The following PUSL1 variants were observed in gnomAD, a reference collection of about 807,000 sequenced individuals.
PUSL1 encodes the protein pseudouridine synthase like 1.
PUSL1 carries 51 observed loss-of-function variants against 30.7 expected under a neutral mutation model. The observed-to-expected ratio is 1.66, with a 90% CI of 1.33 to 2.10. The LOEUF (loss-of-function observed/expected upper bound fraction) is 2.10, where lower values mean the gene tolerates loss of function less well. Ranked by LOEUF, PUSL1 falls within the 30% of genes most tolerant of loss-of-function variation. The probability of loss-of-function intolerance (pLI) is 0.00; values close to 1 mark genes in which losing one functional copy is unlikely to be tolerated. For missense variants in PUSL1, 609 were observed against 427.6 expected, an observed-to-expected ratio of 1.42 and a Z score of -3.74; for synonymous variants, 290 against 192.1, an observed-to-expected ratio of 1.51 and a Z score of -4.21.
intron 6 of PUSL1, 55 bp from the exon 7 acceptor site, chr1:1,310,854 G>A (rs976869002): frequency 6.2e-6 from 10 of 1,600,812 alleles, no homozygotes; most frequent in East Asian, 2.2e-5. Flanking sequence ...GGAGGATGAC[G>A]GCTGTGCTGG....
In PUSL1 at chr1:1,311,027, C is replaced by T. The variant is rs201382539; in HGVS notation, c.818C>T (p.Pro273Leu). The change falls in exon 7 of 8, where the codon CCA (proline) becomes CTA (leucine). Residue 273 changes from proline (P) to leucine (L), a missense_variant. Coordinates refer to ENST00000379031, the MANE Select transcript of PUSL1 (RefSeq NM_153339.3). ...PLGKHQTRVA[P>L]AHGLFLKSVL... Reference sequence around the variant, plus strand: ...GGCAAGCACCAGACACGTGTAGCCCCAGCCCACGGCTTATTCCTCAAGTCA... The same window carrying T: ...GGCAAGCACCAGACACGTGTAGCCCTAGCCCACGGCTTATTCCTCAAGTCA... 1 of 1,612,356 alleles carries T rather than the reference C, an allele frequency of 6.2e-7. No individual in the cohort carries two copies. Among genetic ancestry groups the T allele is most frequent in the Non-Finnish European group, 8.5e-7 (1 of 1,179,568 alleles).
Position 1,311,390 on chromosome 1 carries a change from T to G in PUSL1, c.*11T>G. The G allele has an allele frequency of 1.2e-6, 2 of 1,601,770 alleles. No homozygotes were observed. The highest frequency in any genetic ancestry group is 2.2e-5 in the East Asian group (1 of 44,516). ...GGGAGCCACGGATGACCCTGGACAC[T>G]CAAGCCAAAGTTAGGCCACACCAGG... is the stretch of plus-strand genomic sequence containing the variant. On this transcript the variant is annotated 3_prime_UTR_variant, in exon 8 of 8. Transcript: ENST00000379031.
In PUSL1 at chr1:1,308,759, C is replaced by G. The variant is rs745848236; in HGVS notation, c.77+39C>G. The G allele has an allele frequency of 1.7e-5, 26 of 1,487,060 alleles. No homozygotes were observed. In the Middle Eastern group the frequency reaches 8.4e-4, roughly 48 times the overall value. The allele number at this position is 1,487,060 out of a possible 1,614,324, so 92.1% of individuals were successfully genotyped here. A position where few individuals can be genotyped will look rare whatever the true frequency, so the allele number is the denominator to read the frequency against. On this transcript the variant is annotated intron_variant, in intron 1 of 7. Coordinates refer to ENST00000379031, the MANE Select transcript of PUSL1 (RefSeq NM_153339.3). Reference sequence around the variant, plus strand: ...GCGCAGCGGCGGGCGCCACGTGGGCCCGGGCGGAGGCGGGAAGGAGGGCGC... The same window carrying G: ...GCGCAGCGGCGGGCGCCACGTGGGCGCGGGCGGAGGCGGGAAGGAGGGCGC...
At position 1,309,747 on chromosome 1, in the gene PUSL1, C is replaced by T. The variant is rs779836439; in HGVS notation, c.540C>T (p.Ala180=). ...TCCTCGGCACACACGACTTCAGCGC[C>T]TTCCAGTCCGCTGGCAGCCCGGTGC... ...QHLLGTHDFS[A]FQSAGSPVPS... Residue 180 remains alanine (A), a synonymous_variant, in exon 5 of 8, where the codon GCC becomes GCT. Coordinates refer to ENST00000379031, the MANE Select transcript of PUSL1 (RefSeq NM_153339.3). 3.1e-5 allele frequency: 50 copies of T among 1,594,556 alleles called. No homozygotes were observed. The highest frequency in any genetic ancestry group is 1.7e-4 in the Middle Eastern group (1 of 6,060).
chr1:1,311,634 A>G lies in PUSL1; in HGVS notation c.*255A>G, dbSNP rs1642162951. The stretch of plus-strand genomic sequence containing the variant: ...CAGCTTTTACTGGAAACTGCTGTCT[A>G]GGACCACCTGCCCTAACCAGGAATA... On this transcript the variant is annotated 3_prime_UTR_variant, in exon 8 of 8. Transcript: ENST00000379031. 1.4e-6 allele frequency: 1 copy of G among 710,904 alleles called. No individual in the cohort carries two copies. Among genetic ancestry groups the G allele is most frequent in the Admixed American group, 2.0e-5 (1 of 49,714 alleles). 44.0% of individuals were successfully genotyped at this position (710,904 alleles called of 1,614,324 possible). A position where few individuals can be genotyped will look rare whatever the true frequency, so the allele number is the denominator to read the frequency against.
intron 5 of PUSL1, 180 bp downstream of exon 5, chr1:1,310,031 C>T: frequency 5.4e-6 from 3 of 557,778 alleles, no homozygotes; most frequent in South Asian, 4.8e-5. Context: ...GTGCCCTCCC[C>T]CCAGGCTGGG....
chr1:1,310,149 G>T (rs1477769885), intron 5 of PUSL1: 1 of 444,614 alleles, frequency 2.2e-6, no homozygotes, highest in East Asian at 3.9e-5. Context: ...TGGTTCTGGT[G>T]GGGTGGTTTC....
rs566617517 is a variant in PUSL1 at position 1,311,528 on chromosome 1, G to A, written c.*149G>A. 33 of 838,840 alleles carry A rather than the reference G, an allele frequency of 3.9e-5. No homozygotes were observed. The highest frequency in any genetic ancestry group is 2.6e-4 in the East Asian group (10 of 37,856). 52.0% of individuals were successfully genotyped at this position (838,840 alleles called of 1,614,324 possible). ...CCGGGTCCCAGCACCCTGGATGCCC[G>A]TCTCTGTCCCAGGCGGGATGGGGCA... On this transcript the variant is annotated 3_prime_UTR_variant, in exon 8 of 8. Coordinates refer to ENST00000379031, the MANE Select transcript of PUSL1 (RefSeq NM_153339.3).
rs745425809 is a variant in PUSL1, at chr1:1,309,281, C to G, written c.323+8C>G. 2.4e-5 allele frequency: 36 copies of G among 1,475,908 alleles called. No individual in the cohort carries two copies. The African/African-American group carries it at 2.5e-4, about 10-fold the overall frequency. 91.4% of individuals were successfully genotyped at this position (1,475,908 alleles called of 1,614,324 possible). On this transcript the variant is annotated splice_region_variant and intron_variant, in intron 3 of 7. Transcript: ENST00000379031. The stretch of plus-strand genomic sequence containing the variant: ...GCGGCACCCGGCCATCAGGTGAGCC[C>G]GCGACCTAAGCAGCCCTGGGGCTGT...
In PUSL1 at chr1:1,311,528, GTC is replaced by G. The variant is rs1557625852; in HGVS notation, c.*153_*154del. ...CCGGGTCCCAGCACCCTGGATGCCC[GTC>G]TCTGTCCCAGGCGGGATGGGGCACA... On this transcript the variant is annotated 3_prime_UTR_variant, in exon 8 of 8. Transcript: ENST00000379031. 3.6e-6 allele frequency: 3 copies of G among 838,724 alleles called. No individual in the cohort carries two copies. The highest frequency in any genetic ancestry group is 5.9e-6 in the Non-Finnish European group (3 of 509,388). The allele number at this position is 838,724 out of a possible 1,614,324, so 52.0% of individuals were successfully genotyped here.
rs1366759440 is a variant in PUSL1, at chr1:1,311,072, G to C, written c.862+1G>C. The C allele has an allele frequency of 6.3e-7, 1 of 1,595,184 alleles. No individual in the cohort carries two copies. Among genetic ancestry groups the C allele is most frequent in the South Asian group, 1.1e-5 (1 of 90,408 alleles). On this transcript the variant is annotated splice_donor_variant, in intron 7 of 7. Transcript: ENST00000379031. LOFTEE classifies it high-confidence loss of function. The stretch of plus-strand genomic sequence containing the variant: ...AAGTCAGTGCTGTACGGGAACCTCG[G>C]TAAGAAAAACAGGCACGAGAAGCTC...
At chr1:1,311,271 T>C in intron 7 of PUSL1, 59 bp from the exon 8 acceptor site, 1 of 1,467,698 alleles carries the variant, frequency 6.8e-7, no homozygotes, top group Non-Finnish European at 9.1e-7. Flanking sequence ...GTCTCAGCGG[T>C]GGGGAGGGTG....
Position 1,311,610 on chromosome 1 carries a change from A to T in PUSL1, c.*231A>T. On this transcript the variant is annotated 3_prime_UTR_variant, in exon 8 of 8. Transcript: ENST00000379031. Reference sequence around the variant, plus strand: ...GAGAGTACCAAGTAGTCTTTTGTTCAGCTTTTACTGGAAACTGCTGTCTAG... The same window carrying T: ...GAGAGTACCAAGTAGTCTTTTGTTCTGCTTTTACTGGAAACTGCTGTCTAG... 1.4e-6 allele frequency: 1 copy of T among 715,788 alleles called. No homozygotes were observed. Among genetic ancestry groups the T allele is most frequent in the Non-Finnish European group, 2.5e-6 (1 of 397,994 alleles). The allele number at this position is 715,788 out of a possible 1,614,324, so 44.3% of individuals were successfully genotyped here. A position where few individuals can be genotyped will look rare whatever the true frequency, so the allele number is the denominator to read the frequency against.
Position 1,309,729 on chromosome 1 carries a change from C to A in PUSL1, c.522C>A (p.Gly174=). 1 of 1,601,230 alleles carries A rather than the reference C, an allele frequency of 6.2e-7. No individual in the cohort carries two copies. Among genetic ancestry groups the A allele is most frequent in the Non-Finnish European group, 8.5e-7 (1 of 1,173,750 alleles). Reference sequence around the variant, plus strand: ...AGGAAGCCGCCCAGCACCTCCTCGGCACACACGACTTCAGCGCCTTCCAGT... The same window carrying A: ...AGGAAGCCGCCCAGCACCTCCTCGGAACACACGACTTCAGCGCCTTCCAGT... ...AMQEAAQHLL[G]THDFSAFQSA... Residue 174 remains glycine, a synonymous_variant, in exon 5 of 8, where the codon GGC becomes GGA. Coordinates refer to ENST00000379031, the MANE Select transcript of PUSL1 (RefSeq NM_153339.3).
Position 1,311,462 on chromosome 1 carries a change from C to A in PUSL1, c.*83C>A. On this transcript the variant is annotated 3_prime_UTR_variant, in exon 8 of 8. Coordinates refer to ENST00000379031, the MANE Select transcript of PUSL1 (RefSeq NM_153339.3). ...CCAGGGCAGTCACAGCTGCTTGGGG[C>A]CCACAGCACTGCTGCCTGGTCTCCA... is the stretch of plus-strand genomic sequence containing the variant. 7.3e-7 allele frequency: 1 copy of A among 1,373,028 alleles called. No homozygotes were observed. The highest frequency in any genetic ancestry group is 1.0e-6 in the Non-Finnish European group (1 of 988,194). 85.1% of individuals were successfully genotyped at this position (1,373,028 alleles called of 1,614,324 possible). A position where few individuals can be genotyped will look rare whatever the true frequency, so the allele number is the denominator to read the frequency against.
chr1:1,309,403 A>G, intron 3 of PUSL1, 51 bp from the exon 4 acceptor site: 1 of 1,530,770 alleles, frequency 6.5e-7, no homozygotes, highest in Non-Finnish European at 8.8e-7. Context: ...CCAATGTGAC[A>G]CCGCGGGCGG....
At chr1:1,310,193 C>G (rs1341265078) in intron 5 of PUSL1, 2 of 357,354 alleles carry the variant, frequency 5.6e-6, no homozygotes, top group Non-Finnish European at 1.0e-5. Flanking sequence ...GGGCCACCCA[C>G]CAGGTGGCAG....
rs1641947425 is a variant in PUSL1 at position 1,309,227 on chromosome 1, G to GTCC, written c.279_281dup (p.Leu94dup). The GTCC allele has an allele frequency of 6.6e-7, 1 of 1,516,656 alleles. No individual in the cohort carries two copies. The allele number at this position is 1,516,656 out of a possible 1,614,324, so 93.9% of individuals were successfully genotyped here. On this transcript the variant is annotated inframe_insertion, in exon 3 of 8. Coordinates refer to ENST00000379031, the MANE Select transcript of PUSL1 (RefSeq NM_153339.3). ...AGGCCGGCCGCCCTTCCCGCCCGAG[G>GTCC]TCCTGGCCGAGGCCCTCAACACACA...
At chr1:1,309,937 G>A in intron 5 of PUSL1, 86 bp downstream of exon 5, 1 of 1,157,418 alleles carries the variant, frequency 8.6e-7, no homozygotes, top group Non-Finnish European at 1.2e-6. Context: ...TTAAGGCAAG[G>A]TGAGGCGGGA....
Sources: gnomAD v4.1 joint callset for allele counts on GRCh38, gnomAD v4.1.1 for gene constraint, MANE v1.5 for transcripts, NCBI Gene and HGNC (gene_info 2026-07-23, HGNC 2026-07-21) for gene names.